The following PDE10A variants were observed in gnomAD, a reference collection of about 807,000 sequenced individuals.
PDE10A encodes the protein phosphodiesterase 10A, also known as cAMP and cAMP-inhibited cGMP 3',5'-cyclic phosphodiesterase 10A.
A neutral mutation model predicts 97.7 loss-of-function variants in PDE10A; 39 were observed. The observed-to-expected ratio is 0.40, with a 90% confidence interval of 0.31 to 0.52. The LOEUF is 0.52. Ranked by LOEUF, PDE10A falls within the 20% of genes least tolerant of loss-of-function variation. The pLI is 0.56. For missense variants in PDE10A, 731 were observed against 1,047.8 expected, an observed-to-expected ratio of 0.70 and a Z score of 4.17; for synonymous variants, 371 against 376.8, an observed-to-expected ratio of 0.98 and a Z score of 0.18.
intron 18 of PDE10A, among the ~76,000 whole-genome samples, chr6:165,369,444 G>A (rs1016677156): frequency 7.9e-4 from 120 of 151,500 alleles, no homozygotes; most frequent in Non-Finnish European, 1.4e-3. Context: ...AGAAGCCTCA[G>A]GAGCTGATGC....
intron 1 of PDE10A, among the ~76,000 whole-genome samples, chr6:165,907,182 G>T (rs1014075405): frequency 1.3e-5 from 2 of 152,226 alleles, no homozygotes; most frequent in Admixed American, 1.3e-4. Flanking sequence ...AACCCTGGCT[G>T]CAAGGCACAA....
chr6:165,968,486 T>A (rs1482625257), intron 1 of PDE10A, among the ~76,000 whole-genome samples: 4 of 152,136 alleles, frequency 2.6e-5, no homozygotes, highest in Non-Finnish European at 5.9e-5. Flanking sequence ...GCCAAACATT[T>A]TCAACACGCT....
rs570274396 is a variant in PDE10A at position 165,922,427 on chromosome 6, G to A, written c.-615+65102C>T. Among the ~76,000 whole-genome samples, 16 of 152,298 alleles carry A rather than the reference G, an allele frequency of 1.1e-4. No homozygotes were observed. The South Asian group carries it at 3.3e-3, about 32-fold the overall frequency. On this transcript the variant is annotated intron_variant, in intron 1 of 19. Coordinates refer to the PDE10A transcript ENST00000366882. ...CTGAGGTATGCGGCAGATGGCTCTTGCTGGTGCTACTTGGCTGAGGTTACA... is the reference window on the plus strand; with the variant it reads ...CTGAGGTATGCGGCAGATGGCTCTTACTGGTGCTACTTGGCTGAGGTTACA...
intron 1 of PDE10A, among the ~76,000 whole-genome samples, chr6:165,704,603 C>G (rs1332813999): frequency 6.6e-6 from 1 of 151,856 alleles, no homozygotes; most frequent in African/African-American, 2.4e-5. Flanking sequence ...ATGTGTTGAC[C>G]ATTAAAATGA....
chr6:165,727,843 T>C (rs1792337080), intron 1 of PDE10A, among the ~76,000 whole-genome samples: 1 of 152,240 alleles, frequency 6.6e-6, no homozygotes, highest in Admixed American at 6.5e-5. Flanking sequence ...CTGCTTTTCA[T>C]CTTATGCTGC....
intron 1 of PDE10A, among the ~76,000 whole-genome samples, chr6:165,809,978 G>A (rs1384474087): frequency 3.9e-5 from 6 of 152,146 alleles, no homozygotes; most frequent in South Asian, 4.1e-4. Context: ...ATATGCTGGC[G>A]GAATATGCAG....
chr6:165,459,073 C>G (rs1426955910), intron 3 of PDE10A, among the ~76,000 whole-genome samples: 2 of 152,098 alleles, frequency 1.3e-5, no homozygotes, highest in Non-Finnish European at 2.9e-5. Context: ...TTTGATTTGT[C>G]TGATGTTTTC....
intron 1 of PDE10A, among the ~76,000 whole-genome samples, chr6:165,959,177 A>G (rs1784283806): frequency 2.0e-5 from 3 of 152,210 alleles, no homozygotes; most frequent in African/African-American, 7.2e-5. Context: ...AAAGTCTGCA[A>G]TATGTCCTGT....
intron 2 of PDE10A, among the ~76,000 whole-genome samples, chr6:165,500,078 T>G (rs1780775296): frequency 6.6e-6 from 1 of 152,214 alleles, no homozygotes; most frequent in South Asian, 2.1e-4. Flanking sequence ...CAATATGTAA[T>G]TCTACAATGC....
intron 2 of PDE10A, among the ~76,000 whole-genome samples, chr6:165,535,753 A>G (rs998623836): frequency 6.6e-6 from 1 of 151,848 alleles, no homozygotes; most frequent in African/African-American, 2.4e-5. Flanking sequence ...TTATTTTCCT[A>G]GGAATAAACT....
intron 1 of PDE10A, among the ~76,000 whole-genome samples, chr6:165,917,965 C>G (rs192377342): frequency 1.4e-3 from 211 of 152,314 alleles, no homozygotes; most frequent in African/African-American, 4.9e-3. Flanking sequence ...GTCTTATCAC[C>G]CACAAATGGT....
chr6:165,508,173 A>T (rs1370785433), intron 2 of PDE10A, among the ~76,000 whole-genome samples: 1 of 152,118 alleles, frequency 6.6e-6, no homozygotes, highest in South Asian at 2.1e-4. Context: ...CACAACTGAA[A>T]AAACACACAA....
At chr6:165,348,396 G>T (rs1278950089) in intron 18 of PDE10A, among the ~76,000 whole-genome samples, 1 of 152,140 alleles carries the variant, frequency 6.6e-6, no homozygotes, top group African/African-American at 2.4e-5. Flanking sequence ...ATGGTTCTTA[G>T]TTAAGACTAT....
At chr6:165,558,596 ATGTT>A (rs1227290477) in intron 1 of PDE10A, among the ~76,000 whole-genome samples, 1 of 152,188 alleles carries the variant, frequency 6.6e-6, no homozygotes, top group East Asian at 1.9e-4. Flanking sequence ...CTTCTTAAAA[ATGTT>A]TGATTATCAA....
intron 2 of PDE10A, among the ~76,000 whole-genome samples, chr6:165,486,717 GAA>G (rs1018828166): frequency 1.3e-5 from 2 of 152,088 alleles, no homozygotes; most frequent in Non-Finnish European, 2.9e-5. Flanking sequence ...ATGTCTTTTA[GAA>G]AAAAAGTCAC....
At chr6:165,902,413 T>C (rs1258105188) in intron 1 of PDE10A, among the ~76,000 whole-genome samples, 4 of 152,212 alleles carry the variant, frequency 2.6e-5, no homozygotes, top group Non-Finnish European at 5.9e-5. Context: ...CAGCTGACTG[T>C]TTTTTATCCC....
intron 18 of PDE10A, 22 bp from the exon 19 acceptor site, chr6:165,343,524 C>T (rs201148386): frequency 6.6e-7 from 1 of 1,524,144 alleles, no homozygotes; most frequent in African/African-American, 1.4e-5. Context: ...CAATATAAGA[C>T]TGGTCAGCAT....
At chr6:165,868,459 A>G (rs911738763) in intron 1 of PDE10A, among the ~76,000 whole-genome samples, 6 of 152,084 alleles carry the variant, frequency 3.9e-5, no homozygotes, top group Admixed American at 2.0e-4. Flanking sequence ...AGATTTAACC[A>G]GAAAGAACTA....
intron 1 of PDE10A, among the ~76,000 whole-genome samples, chr6:165,795,672 A>G (rs1778808854): frequency 6.6e-6 from 1 of 152,150 alleles, no homozygotes. Flanking sequence ...GAATCGCTTG[A>G]ACTCGGGAGG....
Sources: allele counts gnomAD v4.1 joint callset (sites outside exome capture counted in the v4.1 genomes callset), GRCh38; gene constraint gnomAD v4.1.1; transcripts MANE v1.5; gene names NCBI Gene and HGNC (gene_info 2026-07-23, HGNC 2026-07-21).